The following EXOC4 variants were observed in gnomAD, a reference collection of about 807,000 sequenced individuals.
EXOC4 encodes exocyst complex component 4.
A neutral mutation model predicts 107.2 loss-of-function variants in EXOC4; 71 were observed. The ratio of observed to expected loss-of-function variants is 0.66; its 90% CI spans 0.55 to 0.81. EXOC4 has a LOEUF of 0.81. EXOC4 is among the 30% of genes least tolerant of loss of function. The pLI, the probability that EXOC4 is intolerant of heterozygous loss-of-function variation, is 0.00. For missense variants in EXOC4, 1,108 were observed against 1,189.6 expected, an observed-to-expected ratio of 0.93 and a Z score of 1.01; for synonymous variants, 456 against 441.2, an observed-to-expected ratio of 1.03 and a Z score of -0.42.
At chr7:133,861,957 A>G (rs1563032666) in intron 11 of EXOC4, among the ~76,000 whole-genome samples, 1 of 152,164 alleles carries the variant, frequency 6.6e-6, no homozygotes, top group African/African-American at 2.4e-5. Context: ...ATGATACAGA[A>G]GGTAAAGTTG....
chr7:134,067,632 T>TACGCAC (rs1177750777), downstream of EXOC4, among the ~76,000 whole-genome samples: 1 of 98,516 alleles, frequency 1.0e-5, no homozygotes, highest in African/African-American at 4.0e-5. Context: ...CTCTTATATA[T>TACGCAC]ATATATACAC....
chr7:133,523,645 G>A (rs953290341), intron 9 of EXOC4, among the ~76,000 whole-genome samples: 8 of 149,438 alleles, frequency 5.4e-5, no homozygotes, highest in African/African-American at 1.7e-4. Flanking sequence ...TCCTGTGTAC[G>A]TGTGATCTCA....
At chr7:133,485,309 A>C (rs1799249890) in intron 9 of EXOC4, among the ~76,000 whole-genome samples, 1 of 151,822 alleles carries the variant, frequency 6.6e-6, no homozygotes, top group Admixed American at 6.6e-5. Context: ...CATTCATTTC[A>C]CTTGATCTTT....
chr7:133,627,358 G>A (rs1236030890), intron 9 of EXOC4, among the ~76,000 whole-genome samples: 1 of 152,142 alleles, frequency 6.6e-6, no homozygotes, highest in African/African-American at 2.4e-5. Flanking sequence ...GGTTAGTCAG[G>A]TCTGAATTTA....
At chr7:133,984,031 G>A (rs1794056759) in intron 14 of EXOC4, among the ~76,000 whole-genome samples, 1 of 152,134 alleles carries the variant, frequency 6.6e-6, no homozygotes, top group Non-Finnish European at 1.5e-5. Context: ...TTCTCCCCAG[G>A]ACTGAAAGAC....
At chr7:134,051,671 C>CAAA (rs71172425) in intron 17 of EXOC4, among the ~76,000 whole-genome samples, 1 of 107,782 alleles carries the variant, frequency 9.3e-6, no homozygotes, top group South Asian at 3.2e-4. Context: ...GACTCCGTCT[C>CAAA]AAAAAAAAAA....
At chr7:133,857,147 CGTATATATATATAT>C (rs1442455962) in intron 11 of EXOC4, among the ~76,000 whole-genome samples, 2 of 19,092 alleles carry the variant, frequency 1.0e-4, no homozygotes, top group East Asian at 1.4e-3. Context: ...TACACATACA[CGTATATATATATAT>C]ATATATATAT....
intron 7 of EXOC4, among the ~76,000 whole-genome samples, chr7:133,466,708 A>T (rs1280487353): frequency 6.6e-6 from 1 of 152,340 alleles, no homozygotes; most frequent in African/African-American, 2.4e-5. Context: ...TAACAAAGCC[A>T]AAGTATTATA....
chr7:133,492,991 G>T (rs4731958), intron 9 of EXOC4, among the ~76,000 whole-genome samples: 152,290 of 152,290 alleles, frequency 1, 76,145 homozygotes, highest in Non-Finnish European at 1. Flanking sequence ...CTCTGGAATT[G>T]GGCTTACTAC....
At chr7:133,770,251 T>C (rs1796218867) in intron 10 of EXOC4, among the ~76,000 whole-genome samples, 1 of 151,888 alleles carries the variant, frequency 6.6e-6, no homozygotes, top group African/African-American at 2.4e-5. Context: ...TAGAGTGTTA[T>C]CCAGGTTATT....
chr7:133,483,001 T>C (rs1283981500), intron 9 of EXOC4, among the ~76,000 whole-genome samples: 1 of 152,208 alleles, frequency 6.6e-6, no homozygotes, highest in Non-Finnish European at 1.5e-5. Context: ...GCCCCTGCTG[T>C]GTGTTACTGC....
At chr7:133,965,802 A>T (rs766153212) in intron 14 of EXOC4, among the ~76,000 whole-genome samples, 1 of 152,194 alleles carries the variant, frequency 6.6e-6, no homozygotes, top group Non-Finnish European at 1.5e-5. Flanking sequence ...TGTCTTGGCT[A>T]TACGGGCTCT....
intron 3 of EXOC4, among the ~76,000 whole-genome samples, chr7:133,303,358 TAGG>T (rs534304884): frequency 1.0e-3 from 155 of 152,220 alleles, no homozygotes; most frequent in Non-Finnish European, 1.8e-3. Context: ...CGCTTGAACT[TAGG>T]AGGTGGAGGT....
intron 9 of EXOC4, among the ~76,000 whole-genome samples, chr7:133,529,193 T>C (rs1800134721): frequency 6.6e-6 from 1 of 152,198 alleles, no homozygotes; most frequent in Admixed American, 6.5e-5. Context: ...CTTTTCTTAA[T>C]CCTTTCTCCT....
intron 10 of EXOC4, among the ~76,000 whole-genome samples, chr7:133,644,966 C>G (rs931829197): frequency 5.9e-5 from 9 of 152,120 alleles, no homozygotes; most frequent in Non-Finnish European, 1.2e-4. Flanking sequence ...ATAGCTGTAT[C>G]CCCTTTGCAT....
intron 10 of EXOC4, among the ~76,000 whole-genome samples, chr7:133,769,618 G>GA (rs201666659): frequency 1.2e-4 from 18 of 148,200 alleles, no homozygotes; most frequent in East Asian, 2.0e-4. Flanking sequence ...TAACATTTAA[G>GA]AAAAAAAAAG....
At chr7:134,045,694 G>C (rs968544570) in intron 17 of EXOC4, among the ~76,000 whole-genome samples, 3 of 152,090 alleles carry the variant, frequency 2.0e-5, no homozygotes, top group African/African-American at 4.8e-5. Context: ...TCACAGCGTT[G>C]TACAGCCATC....
chr7:133,422,731 G>C (rs1053407618), intron 7 of EXOC4, among the ~76,000 whole-genome samples: 6 of 152,060 alleles, frequency 3.9e-5, no homozygotes, highest in Non-Finnish European at 8.8e-5. Context: ...AATCCCTTGG[G>C]GATTTGTGGA....
At chr7:133,792,553 CA>C (rs56408972) in intron 10 of EXOC4, among the ~76,000 whole-genome samples, 6 of 73,580 alleles carry the variant, frequency 8.2e-5, no homozygotes, top group African/African-American at 1.1e-4. Flanking sequence ...ACCCTGTCTC[CA>C]AAAAAAAAAA....
Sources: gnomAD v4.1 joint callset for allele counts (sites outside exome capture counted in the v4.1 genomes callset) on GRCh38, gnomAD v4.1.1 for gene constraint, MANE v1.5 for transcripts, NCBI Gene and HGNC (gene_info 2026-07-23, HGNC 2026-07-21) for gene names.